The following ENPP3 variants were observed in gnomAD, a reference collection of about 807,000 sequenced individuals.
ENPP3 encodes ectonucleotide pyrophosphatase/phosphodiesterase 3, also known as ectonucleotide pyrophosphatase/phosphodiesterase family member 3.
In ENPP3, 104 loss-of-function variants were observed where a neutral mutation model predicts 117.8. That is an observed-to-expected ratio of 0.88 (90% CI 0.75 to 1.04). The LOEUF (loss-of-function observed/expected upper bound fraction) is 1.04, where lower values mean the gene tolerates loss of function less well. Ranked by LOEUF, ENPP3 falls within the 50% of genes least tolerant of loss-of-function variation. ENPP3 has a pLI of 0.00. For synonymous variants in ENPP3, 380 were observed against 349.9 expected (o/e 1.09, Z -0.96); for missense variants, 1,026 against 1,051.9 (o/e 0.98, Z 0.34).
intron 14 of ENPP3, among the ~76,000 whole-genome samples, chr6:131,689,908 A>T (rs1447660065): frequency 6.6e-6 from 1 of 152,212 alleles, no homozygotes; most frequent in Non-Finnish European, 1.5e-5. Context: ...TGAAGGGTTC[A>T]TGACTTCAGC....
intron 5 of ENPP3, among the ~76,000 whole-genome samples, chr6:131,654,294 C>G (rs868285232): frequency 3.3e-5 from 5 of 151,344 alleles, no homozygotes; most frequent in African/African-American, 1.2e-4. Flanking sequence ...CCACCACATG[C>G]AGCTAAACAT....
At chr6:131,744,528 A>C (rs1780592453) in intron 24 of ENPP3, among the ~76,000 whole-genome samples, 1 of 152,228 alleles carries the variant, frequency 6.6e-6, no homozygotes, top group Non-Finnish European at 1.5e-5. Context: ...ATTATCAAAC[A>C]AGTAAACAGT....
intron 14 of ENPP3, among the ~76,000 whole-genome samples, chr6:131,688,293 G>A (rs966560384): frequency 2.0e-5 from 3 of 152,100 alleles, no homozygotes; most frequent in African/African-American, 7.2e-5. Flanking sequence ...TCTATTCCCT[G>A]AGGCATAACA....
At chr6:131,696,468 G>C (rs1156619028) in intron 15 of ENPP3, among the ~76,000 whole-genome samples, 1 of 152,182 alleles carries the variant, frequency 6.6e-6, no homozygotes, top group Non-Finnish European at 1.5e-5. Context: ...GCTGATCGGG[G>C]TTTGGAAGAC....
chr6:131,647,908 A>AT (rs1161723069), intron 2 of ENPP3, among the ~76,000 whole-genome samples: 1 of 152,154 alleles, frequency 6.6e-6, no homozygotes, highest in African/African-American at 2.4e-5. Flanking sequence ...TAAGATTATC[A>AT]TCACATTATT....
At chr6:131,719,382 A>AACAC (rs3032879) in intron 16 of ENPP3, among the ~76,000 whole-genome samples, 9,242 of 132,862 alleles carry the variant, frequency 0.07, 338 homozygotes, top group African/African-American at 0.1. Flanking sequence ...TTCCATTTGT[A>AACAC]ACACACACAC....
chr6:131,706,218 T>C lies in ENPP3; in HGVS notation c.1413-12454T>C, dbSNP rs1268354085. On this transcript the variant is annotated intron_variant, in intron 15 of 24. Coordinates refer to ENST00000357639, the MANE Select transcript of ENPP3 (RefSeq NM_005021.5). ...TAATTTTTTATATTCTTGGTAGAGA[T>C]GGGGTTTCACCATGTTGGTCAGCGT... Among the ~76,000 whole-genome samples the C allele has an allele frequency of 9.9e-5, 13 of 131,296 alleles. 1 individual carries two copies. The highest frequency in any genetic ancestry group is 1.6e-4 in the Admixed American group (2 of 12,660). The allele number at this position is 131,296 out of a possible 152,430, so 86.1% of individuals were successfully genotyped here.
chr6:131,689,897 T>G (rs745865606), intron 14 of ENPP3, among the ~76,000 whole-genome samples: 29 of 152,132 alleles, frequency 1.9e-4, no homozygotes, highest in South Asian at 4.2e-4. Context: ...CTGGATAACT[T>G]TGAAGGGTTC....
intron 6 of ENPP3, among the ~76,000 whole-genome samples, chr6:131,667,569 G>C (rs1229706456): frequency 1.3e-5 from 2 of 152,232 alleles, no homozygotes; most frequent in African/African-American, 4.8e-5. Context: ...AAAAATTGGA[G>C]TGTTAGATGT....
At chr6:131,641,831 TC>T (rs1778051592) in intron 2 of ENPP3, among the ~76,000 whole-genome samples, 2 of 125,916 alleles carry the variant, frequency 1.6e-5, no homozygotes, top group African/African-American at 6.6e-5. Flanking sequence ...TTTGGCAAGA[TC>T]TCACTCTGTC....
At chr6:131,728,768 G>T (rs202039340) in intron 20 of ENPP3, among the ~76,000 whole-genome samples, 1 of 152,142 alleles carries the variant, frequency 6.6e-6, no homozygotes. Context: ...TGTAATTTTT[G>T]TTGTATCTCA....
chr6:131,737,422 A>G lies in ENPP3; in HGVS notation c.2157A>G (p.Glu719=), dbSNP rs768279974. Residue 719 remains glutamate (E), a synonymous_variant, in exon 22 of 25, where the codon GAA becomes GAG. Transcript: ENST00000357639. ...CTAGCAATTTGGTACCTATGTATGAAGAATTCAGAAGTAAGTATGAATTTA... is the reference window on the plus strand; with the variant it reads ...CTAGCAATTTGGTACCTATGTATGAGGAATTCAGAAGTAAGTATGAATTTA... ...LITSNLVPMY[E]EFRKMWDYFH... is the part of the protein sequence containing the mutation. 3.2e-6 allele frequency: 5 copies of G among 1,549,440 alleles called. No homozygotes were observed. The Admixed American group carries it at 8.4e-5, about 26-fold the overall frequency.
intron 21 of ENPP3, among the ~76,000 whole-genome samples, chr6:131,736,819 G>C (rs1475386220): frequency 3.3e-5 from 5 of 152,138 alleles, no homozygotes; most frequent in South Asian, 2.1e-4. Context: ...CAGTTCTGGA[G>C]GTCAGAAGGC....
Position 131,737,439 on chromosome 6 carries a change from A to ACTTC in ENPP3, c.2167+7_2167+8insCTTC. 2.1e-6 allele frequency: 3 copies of ACTTC among 1,455,718 alleles called. No homozygotes were observed. The highest frequency in any genetic ancestry group is 2.9e-6 in the Non-Finnish European group (3 of 1,040,006). 90.2% of individuals were successfully genotyped at this position (1,455,718 alleles called of 1,614,324 possible). ...ATGTATGAAGAATTCAGAAGTAAGT[A>ACTTC]TGAATTTAGAGTATTAATTTTAAAA... On this transcript the variant is annotated splice_region_variant and intron_variant, in intron 22 of 24. Coordinates refer to ENST00000357639, the MANE Select transcript of ENPP3 (RefSeq NM_005021.5).
chr6:131,732,791 C>T (rs1164364940), intron 20 of ENPP3, among the ~76,000 whole-genome samples: 2 of 149,026 alleles, frequency 1.3e-5, no homozygotes, highest in Admixed American at 1.3e-4. Flanking sequence ...AGCTGGAGTG[C>T]AATGGCCCAG....
chr6:131,718,859 T>A (rs1779953984), intron 16 of ENPP3, 121 bp downstream of exon 16: 1 of 552,792 alleles, frequency 1.8e-6, no homozygotes, highest in Non-Finnish European at 3.2e-6. Flanking sequence ...ATTATTTCAT[T>A]ACTCAGATGT....
chr6:131,711,430 A>G (rs1328817118), intron 15 of ENPP3, among the ~76,000 whole-genome samples: 2 of 147,692 alleles, frequency 1.4e-5, no homozygotes, highest in African/African-American at 5.3e-5. Context: ...ATGCATACAG[A>G]CACTCTTGCT....
At chr6:131,729,338 A>G (rs1780225099) in intron 20 of ENPP3, among the ~76,000 whole-genome samples, 1 of 152,218 alleles carries the variant, frequency 6.6e-6, no homozygotes, top group South Asian at 2.1e-4. Flanking sequence ...TCTAATCTTC[A>G]AACAAGTAGG....
intron 20 of ENPP3, among the ~76,000 whole-genome samples, chr6:131,730,491 G>T (rs576934253): frequency 6.6e-6 from 1 of 152,188 alleles, no homozygotes; most frequent in Non-Finnish European, 1.5e-5. Flanking sequence ...TCACTCAGGA[G>T]CTTCCTGAGA....
Sources: gnomAD v4.1 joint callset for allele counts (sites outside exome capture counted in the v4.1 genomes callset) on GRCh38, gnomAD v4.1.1 for gene constraint, MANE v1.5 for transcripts, NCBI Gene and HGNC (gene_info 2026-07-23, HGNC 2026-07-21) for gene names.